KCNT2: variants seen among roughly 807,000 people sequenced by gnomAD.
KCNT2 encodes potassium channel subfamily T member 2.
Under a neutral mutation model 153.8 loss-of-function variants are expected in KCNT2, and 67 were observed. The observed-to-expected ratio is 0.44, with a 90% confidence interval of 0.36 to 0.53. KCNT2 has a LOEUF of 0.53. KCNT2 is among the 20% of genes least tolerant of loss of function. The pLI, the probability that KCNT2 is intolerant of heterozygous loss-of-function variation, is 0.00. For synonymous variants in KCNT2, 500 were observed against 458.8 expected (o/e 1.09, Z -1.15); for missense variants, 975 against 1,354.8 (o/e 0.72, Z 4.40).
chr1:196,549,891 G>A (rs550254166), intron 1 of KCNT2, among the ~76,000 whole-genome samples: 5 of 151,812 alleles, frequency 3.3e-5, no homozygotes, highest in Admixed American at 6.6e-5. Flanking sequence ...AATCTCATGG[G>A]CTCTAAGTTT....
rs924923773 is a variant in KCNT2 at position 196,436,752 on chromosome 1, A to T, written c.639-6995T>A. 9.9e-5 allele frequency among the ~76,000 whole-genome samples: 15 copies of T among 151,102 alleles called. No individual in the cohort carries two copies. The East Asian group carries it at 2.4e-3, about 24-fold the overall frequency. On this transcript the variant is annotated intron_variant, in intron 8 of 27. Transcript: ENST00000294725. The stretch of plus-strand genomic sequence containing the variant: ...AGGCAGAGATTTTCTGATAAATTAA[A>T]TACAAAATGTACTCAAATACAGCAC...
At chr1:196,352,648 A>G (rs970539505) in intron 14 of KCNT2, among the ~76,000 whole-genome samples, 13 of 152,190 alleles carry the variant, frequency 8.5e-5, no homozygotes, top group Middle Eastern at 3.4e-3. Context: ...GATCCTTTCA[A>G]AAAACCAGCT....
intron 22 of KCNT2, among the ~76,000 whole-genome samples, chr1:196,298,638 A>T (rs1437767896): frequency 6.6e-6 from 1 of 151,758 alleles, no homozygotes; most frequent in East Asian, 1.9e-4. Flanking sequence ...GATTAATTAA[A>T]TCATTAGCCA....
intron 1 of KCNT2, among the ~76,000 whole-genome samples, chr1:196,599,938 T>A (rs1261443831): frequency 6.6e-6 from 1 of 152,188 alleles, no homozygotes; most frequent in Non-Finnish European, 1.5e-5. Flanking sequence ...CCATCTCCAC[T>A]TCCCAGTCAA....
At chr1:196,258,123 G>T in intron 26 of KCNT2, 71 bp downstream of exon 26, 1 of 1,521,044 alleles carries the variant, frequency 6.6e-7, no homozygotes, top group Non-Finnish European at 8.8e-7. Flanking sequence ...TATTAAATTA[G>T]AACCAACTAT....
intron 8 of KCNT2, among the ~76,000 whole-genome samples, chr1:196,451,030 A>AT (rs969010729): frequency 7.3e-5 from 11 of 151,512 alleles, no homozygotes; most frequent in African/African-American, 2.2e-4. Context: ...TTATTTTCTC[A>AT]TTTTTTTATT....
chr1:196,533,091 T>C (rs1317412475), intron 1 of KCNT2, among the ~76,000 whole-genome samples: 2 of 152,114 alleles, frequency 1.3e-5, no homozygotes, highest in African/African-American at 4.8e-5. Context: ...AAACGATGTA[T>C]GAAATAAAAT....
At chr1:196,566,303 A>C (rs1660103720) in intron 1 of KCNT2, among the ~76,000 whole-genome samples, 1 of 152,040 alleles carries the variant, frequency 6.6e-6, no homozygotes, top group African/African-American at 2.4e-5. Context: ...TGACCTGAAT[A>C]AAGCAGTTTG....
chr1:196,293,873 A>G (rs543031936), intron 22 of KCNT2, among the ~76,000 whole-genome samples: 1 of 148,536 alleles, frequency 6.7e-6, no homozygotes, highest in South Asian at 2.1e-4. Flanking sequence ...AAAAAAAAAA[A>G]CAAAAAAACA....
At chr1:196,434,703 G>A (rs998588151) in intron 8 of KCNT2, among the ~76,000 whole-genome samples, 1 of 151,832 alleles carries the variant, frequency 6.6e-6, no homozygotes, top group Admixed American at 6.6e-5. Context: ...ATGTCTTCAG[G>A]TCCTTCAATC....
intron 7 of KCNT2, among the ~76,000 whole-genome samples, chr1:196,467,161 A>G (rs1015783937): frequency 6.6e-5 from 10 of 152,140 alleles, no homozygotes; most frequent in Admixed American, 5.2e-4. Context: ...GAGTCCCATT[A>G]TGCATCAACA....
chr1:196,554,831 A>G (rs1658432551), intron 1 of KCNT2, among the ~76,000 whole-genome samples: 1 of 151,362 alleles, frequency 6.6e-6, no homozygotes, highest in Non-Finnish European at 1.5e-5. Context: ...AGTTGGGTCA[A>G]CATATGCAAA....
chr1:196,270,998 C>A (rs1299754470), intron 25 of KCNT2, among the ~76,000 whole-genome samples: 10 of 151,542 alleles, frequency 6.6e-5, no homozygotes, highest in African/African-American at 2.2e-4. Flanking sequence ...TACAGCACCT[C>A]CCCAACCATA....
At chr1:196,310,871 C>G (rs1662108738) in intron 21 of KCNT2, among the ~76,000 whole-genome samples, 1 of 151,806 alleles carries the variant, frequency 6.6e-6, no homozygotes, top group Admixed American at 6.6e-5. Flanking sequence ...AACATATGAA[C>G]ATACTTTACA....
intron 14 of KCNT2, among the ~76,000 whole-genome samples, chr1:196,349,048 A>G: frequency 6.6e-6 from 1 of 152,130 alleles, no homozygotes; most frequent in Non-Finnish European, 1.5e-5. Flanking sequence ...ATACCAGTCA[A>G]GAGAGCCTTA....
intron 12 of KCNT2, among the ~76,000 whole-genome samples, chr1:196,421,337 T>A (rs1450968811): frequency 6.6e-6 from 1 of 152,024 alleles, no homozygotes; most frequent in Non-Finnish European, 1.5e-5. Context: ...TATTTCCTAA[T>A]GCTTACACCT....
intron 1 of KCNT2, among the ~76,000 whole-genome samples, chr1:196,607,268 T>C (rs1665423491): frequency 6.6e-6 from 1 of 152,224 alleles, no homozygotes; most frequent in Non-Finnish European, 1.5e-5. Context: ...AACATTTCAA[T>C]TGAGTTGAGA....
intron 12 of KCNT2, among the ~76,000 whole-genome samples, chr1:196,422,168 T>A (rs1362131646): frequency 6.6e-6 from 1 of 151,958 alleles, no homozygotes; most frequent in Non-Finnish European, 1.5e-5. Context: ...GTAGTTTAGG[T>A]AAATTAGAGT....
At chr1:196,284,710 G>A (rs1224856904) in intron 23 of KCNT2, among the ~76,000 whole-genome samples, 1 of 152,078 alleles carries the variant, frequency 6.6e-6, no homozygotes, top group Admixed American at 6.6e-5. Context: ...AGGGATAATA[G>A]GGGTATTTAT....
Sources: allele counts gnomAD v4.1 joint callset (sites outside exome capture counted in the v4.1 genomes callset), GRCh38; gene constraint gnomAD v4.1.1; transcripts MANE v1.5; gene names NCBI Gene and HGNC (gene_info 2026-07-23, HGNC 2026-07-21).